Variants in COL6A6 observed in about 807,000 individuals in gnomAD.
The protein encoded by COL6A6 is collagen alpha-6(VI) chain.
COL6A6 carries 183 observed loss-of-function variants against 208.6 expected under a neutral mutation model. That is an observed-to-expected ratio of 0.88 (90% CI 0.78 to 0.99). COL6A6 has a LOEUF of 0.99. Among genes scored for constraint, COL6A6 ranks in the 50% least tolerant of loss-of-function variants. COL6A6 has a pLI of 0.00. For synonymous variants in COL6A6, 973 were observed against 1,011.8 expected, an observed-to-expected ratio of 0.96 and a Z score of 0.73; for missense variants, 2,816 against 2,815.2, an observed-to-expected ratio of 1.00 and a Z score of -0.01.
intron 1 of COL6A6, among the ~76,000 whole-genome samples, chr3:130,552,862 T>C (rs1334236841): frequency 6.6e-6 from 1 of 152,198 alleles, no homozygotes; most frequent in Non-Finnish European, 1.5e-5. Context: ...TGAATTTCCT[T>C]AGCACTTGCT....
chr3:130,610,811 C>A (rs2108213701), intron 23 of COL6A6, 100 bp downstream of exon 23: 1 of 826,986 alleles, frequency 1.2e-6, no homozygotes, highest in Non-Finnish European at 1.9e-6. Flanking sequence ...GCTTGTGAAC[C>A]AGGAACGTGT....
intron 36 of COL6A6, among the ~76,000 whole-genome samples, chr3:130,672,036 T>A (rs1339011625): frequency 2.0e-5 from 3 of 152,254 alleles, no homozygotes; most frequent in African/African-American, 7.2e-5. Flanking sequence ...AATTCTGCTT[T>A]CCAAAGTACG....
At chr3:130,518,501 G>A (rs1008647404) in intron 1 of COL6A6, among the ~76,000 whole-genome samples, 15 of 151,736 alleles carry the variant, frequency 9.9e-5, no homozygotes, top group African/African-American at 3.6e-4. Flanking sequence ...AAAAGAGGTT[G>A]TCAATTAATT....
Position 130,592,588 on chromosome 3 carries a change from A to T in COL6A6, c.4320A>T (p.Gly1440=), listed in dbSNP as rs1168098740. 1 of 1,613,038 alleles carries T rather than the reference A, an allele frequency of 6.2e-7. No individual in the cohort carries two copies. Among genetic ancestry groups the T allele is most frequent in the Non-Finnish European group, 8.5e-7 (1 of 1,179,380 alleles). ...CAGTGGGAGAGCAAGGTACTAAGGG[A>T]TGCTATGGCACCAAAGGTCCTAAGG... is the stretch of plus-strand genomic sequence containing the variant. ...PGPVGEQGTK[G]CYGTKGPKGN... is the part of the protein sequence containing the mutation. Residue 1440 remains glycine (G), a synonymous_variant, in exon 14 of 37, where the codon GGA becomes GGT. Transcript: ENST00000358511.
intron 36 of COL6A6, among the ~76,000 whole-genome samples, chr3:130,672,435 C>T (rs1249877167): frequency 6.6e-6 from 1 of 150,878 alleles, no homozygotes; most frequent in Non-Finnish European, 1.5e-5. Flanking sequence ...TGGAGTCTCA[C>T]TCTGTCACCC....
At chr3:130,598,020 A>G (rs1393580388) in intron 18 of COL6A6, among the ~76,000 whole-genome samples, 1 of 152,158 alleles carries the variant, frequency 6.6e-6, no homozygotes, top group Non-Finnish European at 1.5e-5. Context: ...AAAGAGGAAA[A>G]GTTAAGAGAA....
At chr3:130,634,733 C>A in intron 27 of COL6A6, 108 bp downstream of exon 27, 1 of 776,920 alleles carries the variant, frequency 1.3e-6, no homozygotes, top group Non-Finnish European at 2.1e-6. Context: ...AAATGTCCTA[C>A]CTTTGTGCGG....
chr3:130,529,426 A>G (rs986547719), intron 1 of COL6A6, among the ~76,000 whole-genome samples: 1 of 152,194 alleles, frequency 6.6e-6, no homozygotes, highest in African/African-American at 2.4e-5. Context: ...CCTAGTATAC[A>G]GATGAGGAAA....
intron 33 of COL6A6, among the ~76,000 whole-genome samples, chr3:130,652,985 G>A (rs957782718): frequency 2.0e-5 from 3 of 152,184 alleles, no homozygotes; most frequent in Admixed American, 2.0e-4. Context: ...CTTAGCAAAT[G>A]GACTGTGATC....
intron 1 of COL6A6, among the ~76,000 whole-genome samples, chr3:130,537,456 C>G (rs2062253447): frequency 6.6e-6 from 1 of 152,222 alleles, no homozygotes; most frequent in South Asian, 2.1e-4. Context: ...ATGAGTTTCT[C>G]TCTACTTAGT....
chr3:130,626,846 C>G (rs1224035927), intron 25 of COL6A6, among the ~76,000 whole-genome samples: 1 of 152,160 alleles, frequency 6.6e-6, no homozygotes, highest in Non-Finnish European at 1.5e-5. Flanking sequence ...TTATCAGAGC[C>G]TCTTCGTCAG....
chr3:130,621,938 G>A, intron 24 of COL6A6, 55 bp downstream of exon 24: 1 of 1,436,644 alleles, frequency 7.0e-7, no homozygotes, highest in Non-Finnish European at 9.8e-7. Flanking sequence ...CAAGAGAACT[G>A]TGTCTAATTG....
rs1279507298 is a variant in COL6A6 at position 130,661,499 on chromosome 3, T to A, written c.5831-138T>A. 5 of 677,804 alleles carry A rather than the reference T, an allele frequency of 7.4e-6. No individual in the cohort carries two copies. In the East Asian group the frequency reaches 1.4e-4, roughly 19 times the overall value. 42.0% of individuals were successfully genotyped at this position (677,804 alleles called of 1,614,324 possible). ...CAGATGCAAACCATGTACTAGGAAA[T>A]CTTCCTGTTACTATTAAAGTATTTA... is the stretch of plus-strand genomic sequence containing the variant. On this transcript the variant is annotated intron_variant, in intron 34 of 36. Transcript: ENST00000358511.
intron 33 of COL6A6, among the ~76,000 whole-genome samples, chr3:130,650,989 A>G (rs543859372): frequency 1.3e-5 from 2 of 152,296 alleles, no homozygotes; most frequent in Middle Eastern, 6.8e-3. Context: ...TTTTCTGTGA[A>G]AGTGTTGAAA....
intron 36 of COL6A6, among the ~76,000 whole-genome samples, chr3:130,672,188 C>A (rs1193082957): frequency 6.6e-6 from 1 of 152,184 alleles, no homozygotes; most frequent in African/African-American, 2.4e-5. Flanking sequence ...AATCTGATCA[C>A]AGAGAACTAC....
intron 3 of COL6A6, among the ~76,000 whole-genome samples, chr3:130,564,302 C>T (rs1286130311): frequency 1.3e-5 from 2 of 152,220 alleles, no homozygotes; most frequent in Non-Finnish European, 2.9e-5. Flanking sequence ...CCAAACTTCT[C>T]TCCTGGTCTG....
chr3:130,565,371 A>C lies in COL6A6; in HGVS notation c.1039A>C (p.Asn347His). ...VLVTHRDSED[N>H]VTKAAVNLRR... Reference sequence around the variant, plus strand: ...GGTGACCCACCGAGATTCAGAAGACAACGTGACAAAAGCAGCTGTTAACCT... The same window carrying C: ...GGTGACCCACCGAGATTCAGAAGACCACGTGACAAAAGCAGCTGTTAACCT... The change falls in exon 4 of 37, where the codon AAC (asparagine) becomes CAC (histidine). Residue 347 changes from asparagine to histidine, a missense_variant. Coordinates refer to ENST00000358511, the MANE Select transcript of COL6A6 (RefSeq NM_001102608.3). The C allele has an allele frequency of 6.2e-7, 1 of 1,613,990 alleles. No homozygotes were observed.
chr3:130,525,995 CA>C (rs1238779709), intron 1 of COL6A6, among the ~76,000 whole-genome samples: 1 of 53,072 alleles, frequency 1.9e-5, no homozygotes, highest in Admixed American at 2.0e-4. Flanking sequence ...AGTTATTAAG[CA>C]TTTTTTTTTA....
At chr3:130,597,513 T>C (rs55706033) in intron 18 of COL6A6, among the ~76,000 whole-genome samples, 32,230 of 152,126 alleles carry the variant, frequency 0.21, 5,173 homozygotes, top group African/African-American at 0.45. Context: ...TGAGCTGCTA[T>C]CAGCCCAGCA....
Sources: gnomAD v4.1 joint callset for allele counts (sites outside exome capture counted in the v4.1 genomes callset) on GRCh38, gnomAD v4.1.1 for gene constraint, MANE v1.5 for transcripts, NCBI Gene and HGNC (gene_info 2026-07-23, HGNC 2026-07-21) for gene names.